PDGFC: variants seen among roughly 807,000 people sequenced by gnomAD.
PDGFC encodes the protein platelet derived growth factor C.
Under a neutral mutation model 35.5 loss-of-function variants are expected in PDGFC, and 12 were observed. The ratio of observed to expected loss-of-function variants is 0.34; its 90% CI spans 0.22 to 0.55. The LOEUF (loss-of-function observed/expected upper bound fraction) is 0.55, where lower values mean the gene tolerates loss of function less well. Among genes scored for constraint, PDGFC ranks in the 20% least tolerant of loss-of-function variants. The pLI is 0.91. For missense variants in PDGFC, 322 were observed against 412.4 expected (o/e 0.78, Z 1.90); for synonymous variants, 159 against 148.8 (o/e 1.07, Z -0.50).
chr4:156,772,613 C>A (rs989814419), intron 4 of PDGFC, 73 bp downstream of exon 4: 1 of 905,822 alleles, frequency 1.1e-6, no homozygotes. Context: ...CCTTTAGAAG[C>A]TGTGGCAGAA....
intron 2 of PDGFC, among the ~76,000 whole-genome samples, chr4:156,830,792 G>A (rs1035198749): frequency 6.6e-6 from 1 of 152,106 alleles, no homozygotes; most frequent in Non-Finnish European, 1.5e-5. Context: ...TGAAAAATGT[G>A]ATCAATTAAG....
chr4:156,859,105 A>C (rs1729649122), intron 1 of PDGFC, among the ~76,000 whole-genome samples: 3 of 152,118 alleles, frequency 2.0e-5, no homozygotes, highest in Non-Finnish European at 4.4e-5. Flanking sequence ...TTATGCTTTT[A>C]ATGAATATTT....
At chr4:156,843,724 G>A (rs529082798) in intron 2 of PDGFC, among the ~76,000 whole-genome samples, 9 of 152,250 alleles carry the variant, frequency 5.9e-5, no homozygotes, top group African/African-American at 1.9e-4. Flanking sequence ...CTCAGGAGTG[G>A]TAGTAACTGT....
intron 1 of PDGFC, among the ~76,000 whole-genome samples, chr4:156,881,874 T>A (rs74994517): frequency 0.058 from 8,705 of 151,320 alleles, 354 homozygotes; most frequent in Middle Eastern, 0.11. Context: ...AAGCTCTCTG[T>A]CTCTTTGCTT....
chr4:156,795,897 A>T (rs759514562), intron 3 of PDGFC, among the ~76,000 whole-genome samples: 23 of 152,306 alleles, frequency 1.5e-4, no homozygotes, highest in Middle Eastern at 3.4e-3. Context: ...GCTGTAGATT[A>T]TATCTTGAGC....
At chr4:156,793,276 A>G (rs1731344744) in intron 3 of PDGFC, among the ~76,000 whole-genome samples, 1 of 151,990 alleles carries the variant, frequency 6.6e-6, no homozygotes. Context: ...TTTGGGGACT[A>G]TAAGAATTAA....
rs534923839 is a variant in PDGFC, at chr4:156,865,956, A to T, written c.119-15540T>A. ...AAAAAGTTTTCCTCTACTTTTTTTT[A>T]AATTTTATTATTATTATACTTTAAG... On this transcript the variant is annotated intron_variant, in intron 1 of 5. Transcript: ENST00000502773. Among the ~76,000 whole-genome samples, 10 of 152,122 alleles carry T rather than the reference A, an allele frequency of 6.6e-5. No homozygotes were observed. The South Asian group carries it at 1.9e-3, about 28-fold the overall frequency.
At chr4:156,790,005 ATACTTTGAG>A (rs1731250087) in intron 3 of PDGFC, among the ~76,000 whole-genome samples, 19 of 146,518 alleles carry the variant, frequency 1.3e-4, no homozygotes, top group African/African-American at 4.6e-4. Context: ...AAAAGAAAGA[ATACTTTGAG>A]GAAACATAGT....
chr4:156,952,176 A>G (rs1344035469), intron 1 of PDGFC, among the ~76,000 whole-genome samples: 1 of 151,858 alleles, frequency 6.6e-6, no homozygotes, highest in East Asian at 1.9e-4. Context: ...CTTTTGCTAC[A>G]TACCTGATTC....
At chr4:156,885,315 A>G (rs955918996) in intron 1 of PDGFC, among the ~76,000 whole-genome samples, 14 of 152,128 alleles carry the variant, frequency 9.2e-5, no homozygotes, top group Admixed American at 2.0e-4. Context: ...AATTCCATCA[A>G]TGTAACTGCA....
chr4:156,829,400 T>A (rs1042492617), intron 2 of PDGFC, among the ~76,000 whole-genome samples: 8 of 152,302 alleles, frequency 5.3e-5, no homozygotes, highest in South Asian at 2.1e-4. Flanking sequence ...TTTTGTAGCA[T>A]GAAAAGGGAA....
chr4:156,845,922 A>C (rs983540839), intron 2 of PDGFC, among the ~76,000 whole-genome samples: 8 of 151,868 alleles, frequency 5.3e-5, no homozygotes, highest in African/African-American at 1.9e-4. Flanking sequence ...AGGCAAGACT[A>C]AGTGAGGAAA....
At chr4:156,880,485 C>T (rs1320860189) in intron 1 of PDGFC, among the ~76,000 whole-genome samples, 1 of 152,118 alleles carries the variant, frequency 6.6e-6, no homozygotes, top group Non-Finnish European at 1.5e-5. Context: ...ATTGATAACG[C>T]ACCTGGTCAC....
At chr4:156,773,810 T>C (rs1453687294) in intron 3 of PDGFC, 1 of 152,212 alleles carries the variant, frequency 6.6e-6, no homozygotes, top group Non-Finnish European at 1.5e-5. Flanking sequence ...CTTTAGCTGA[T>C]GTAACTGATA....
At chr4:156,940,284 A>G (rs1022510638) in intron 1 of PDGFC, among the ~76,000 whole-genome samples, 1 of 152,108 alleles carries the variant, frequency 6.6e-6, no homozygotes, top group African/African-American at 2.4e-5. Flanking sequence ...CCAGAGAGTT[A>G]AGCCAGTCTT....
At chr4:156,774,543 C>T (rs916095551) in intron 3 of PDGFC, 1 of 152,134 alleles carries the variant, frequency 6.6e-6, no homozygotes, top group Non-Finnish European at 1.5e-5. Context: ...GCACAACCCT[C>T]GTGGGGCTCC....
In PDGFC at chr4:156,885,375, C is replaced by T. The variant is rs1255391393; in HGVS notation, c.119-34959G>A. On this transcript the variant is annotated intron_variant, in intron 1 of 5. Coordinates refer to ENST00000502773, the MANE Select transcript of PDGFC (RefSeq NM_016205.3). The stretch of plus-strand genomic sequence containing the variant: ...TAAATAATTGGCATTACATTTAATA[C>T]ACTGATCAATGAAAATGAAAATTTT... Among the ~76,000 whole-genome samples the T allele has an allele frequency of 3.3e-5, 5 of 152,110 alleles. No homozygotes were observed. The South Asian group carries it at 1.0e-3, about 31-fold the overall frequency.
At chr4:156,946,694 C>A (rs1731956604) in intron 1 of PDGFC, among the ~76,000 whole-genome samples, 1 of 152,000 alleles carries the variant, frequency 6.6e-6, no homozygotes, top group Admixed American at 6.6e-5. Context: ...GAGAGTTGGA[C>A]TTGTGTTCTA....
chr4:156,941,979 T>C (rs1466982605), intron 1 of PDGFC, among the ~76,000 whole-genome samples: 3 of 152,106 alleles, frequency 2.0e-5, no homozygotes, highest in Non-Finnish European at 4.4e-5. Flanking sequence ...GATCTATTAG[T>C]GAATAAAGGC....
Sources: allele counts gnomAD v4.1 joint callset (sites outside exome capture counted in the v4.1 genomes callset), GRCh38; gene constraint gnomAD v4.1.1; transcripts MANE v1.5; gene names NCBI Gene and HGNC (gene_info 2026-07-23, HGNC 2026-07-21).